Variants in ENOX1 observed in about 807,000 individuals in gnomAD.
ENOX1 encodes the protein ecto-NOX disulfide-thiol exchanger 1.
ENOX1 carries 42 observed loss-of-function variants against 82.5 expected under a neutral mutation model. That is an observed-to-expected ratio of 0.51 (90% CI 0.40 to 0.66). The LOEUF (loss-of-function observed/expected upper bound fraction) is 0.66. Among genes scored for constraint, ENOX1 ranks in the 30% least tolerant of loss-of-function variants. ENOX1 has a pLI of 0.00. For missense variants in ENOX1, 608 were observed against 811.6 expected (o/e 0.75, Z 3.05); for synonymous variants, 271 against 282.2 (o/e 0.96, Z 0.40).
intron 2 of ENOX1, among the ~76,000 whole-genome samples, chr13:43,574,598 A>G (rs2080333744): frequency 6.6e-6 from 1 of 152,204 alleles, no homozygotes; most frequent in African/African-American, 2.4e-5. Flanking sequence ...TTTGCTACAA[A>G]CCAAAATTAT....
chr13:43,570,386 T>G (rs1358836572), intron 2 of ENOX1, among the ~76,000 whole-genome samples: 1 of 152,100 alleles, frequency 6.6e-6, no homozygotes, highest in Non-Finnish European at 1.5e-5. Context: ...GCAAGAACCC[T>G]GTAGTTCACT....
intron 11 of ENOX1, among the ~76,000 whole-genome samples, chr13:43,300,140 C>G (rs1369827217): frequency 6.6e-6 from 1 of 152,118 alleles, no homozygotes; most frequent in African/African-American, 2.4e-5. Context: ...CTACCTCAAG[C>G]CAGTAGGGAT....
At chr13:43,287,012 G>A (rs914611878) in intron 12 of ENOX1, among the ~76,000 whole-genome samples, 6 of 152,154 alleles carry the variant, frequency 3.9e-5, no homozygotes, top group Non-Finnish European at 8.8e-5. Flanking sequence ...GCCATGGTGT[G>A]GGGTTATAGA....
At chr13:43,256,884 CAAAAT>C (rs1319061101) in intron 14 of ENOX1, among the ~76,000 whole-genome samples, 4 of 151,850 alleles carry the variant, frequency 2.6e-5, no homozygotes, top group Admixed American at 1.3e-4. Flanking sequence ...TCACAATAGT[CAAAAT>C]AAAGAATCAA....
intron 2 of ENOX1, among the ~76,000 whole-genome samples, chr13:43,641,428 C>A (rs1394431177): frequency 6.6e-6 from 1 of 152,028 alleles, no homozygotes; most frequent in African/African-American, 2.4e-5. Context: ...AAGGTATGAT[C>A]CTGCCCCCAA....
chr13:43,418,760 A>G (rs1306238905), intron 3 of ENOX1, among the ~76,000 whole-genome samples: 1 of 152,248 alleles, frequency 6.6e-6, no homozygotes, highest in Non-Finnish European at 1.5e-5. Context: ...CTTAACAGAT[A>G]TCTAACTTGT....
intron 3 of ENOX1, among the ~76,000 whole-genome samples, chr13:43,423,720 C>T (rs2055116025): frequency 6.6e-6 from 1 of 152,210 alleles, no homozygotes; most frequent in South Asian, 2.1e-4. Context: ...AGTGACTCTT[C>T]TATCCCTGGA....
intron 5 of ENOX1, among the ~76,000 whole-genome samples, chr13:43,387,673 G>T (rs1436759809): frequency 6.6e-6 from 1 of 151,738 alleles, no homozygotes; most frequent in Non-Finnish European, 1.5e-5. Flanking sequence ...TGCTAGAGGA[G>T]ATATATAAAC....
At chr13:43,616,202 ATATTTTTT>A (rs1342735365) in intron 2 of ENOX1, among the ~76,000 whole-genome samples, 3 of 41,228 alleles carry the variant, frequency 7.3e-5, no homozygotes, top group Admixed American at 3.8e-4. Flanking sequence ...ATATATATAT[ATATTTTTT>A]TTTTTTTTTT....
At chr13:43,539,229 T>C (rs7323642) in intron 2 of ENOX1, among the ~76,000 whole-genome samples, 2,092 of 152,314 alleles carry the variant, frequency 0.014, 40 homozygotes, top group African/African-American at 0.046. Flanking sequence ...TACTTTGCTT[T>C]AGTTTATTTT....
chr13:43,396,152 TA>T (rs1395602646), intron 5 of ENOX1, among the ~76,000 whole-genome samples: 2 of 152,204 alleles, frequency 1.3e-5, no homozygotes, highest in Middle Eastern at 3.2e-3. Context: ...TGGTACTGGT[TA>T]CTCAGCAGAT....
chr13:43,325,179 A>C (rs2048041500), intron 10 of ENOX1, among the ~76,000 whole-genome samples: 1 of 151,922 alleles, frequency 6.6e-6, no homozygotes. Context: ...TCAGGTAAGC[A>C]CCCTTCATTT....
intron 3 of ENOX1, among the ~76,000 whole-genome samples, chr13:43,439,174 C>T (rs201957019): frequency 2.0e-5 from 3 of 151,464 alleles, no homozygotes; most frequent in East Asian, 1.9e-4. Flanking sequence ...CTCAGCCTCC[C>T]GAGTAGCTGG....
At chr13:43,438,632 C>A (rs2056174222) in intron 3 of ENOX1, among the ~76,000 whole-genome samples, 1 of 152,176 alleles carries the variant, frequency 6.6e-6, no homozygotes, top group African/African-American at 2.4e-5. Context: ...ATGTATCTGT[C>A]CCCTGGATGG....
At chr13:43,239,343 A>C (rs920680732) in intron 14 of ENOX1, among the ~76,000 whole-genome samples, 1 of 152,108 alleles carries the variant, frequency 6.6e-6, no homozygotes, top group Non-Finnish European at 1.5e-5. Flanking sequence ...TTTTGGGGAC[A>C]TCTGTGAGTT....
intron 3 of ENOX1, among the ~76,000 whole-genome samples, chr13:43,446,576 C>T (rs1007631372): frequency 6.6e-6 from 1 of 152,214 alleles, no homozygotes; most frequent in African/African-American, 2.4e-5. Flanking sequence ...TCTCTCCTAA[C>T]TGGCTACCTC....
chr13:43,602,331 CA>C, intron 2 of ENOX1, among the ~76,000 whole-genome samples: 2 of 151,876 alleles, frequency 1.3e-5, no homozygotes, highest in African/African-American at 4.8e-5. Context: ...GAAAACCTGG[CA>C]AAAGATATAA....
chr13:43,344,233 T>A (rs2049241108), intron 9 of ENOX1, among the ~76,000 whole-genome samples: 2 of 152,102 alleles, frequency 1.3e-5, no homozygotes, highest in African/African-American at 4.8e-5. Flanking sequence ...CCTGCAGCTA[T>A]GATATGAACC....
At chr13:43,330,951 T>C (rs555331518) in intron 9 of ENOX1, among the ~76,000 whole-genome samples, 1 of 152,244 alleles carries the variant, frequency 6.6e-6, no homozygotes, top group African/African-American at 2.4e-5. Context: ...CCAAAATGTT[T>C]GGACATTTGC....
Sources: allele counts gnomAD v4.1 joint callset (sites outside exome capture counted in the v4.1 genomes callset), GRCh38; gene constraint gnomAD v4.1.1; transcripts MANE v1.5; gene names NCBI Gene and HGNC (gene_info 2026-07-23, HGNC 2026-07-21).